The following KIFC3 variants were observed in gnomAD, a reference collection of about 807,000 sequenced individuals.
KIFC3 encodes kinesin-like protein KIFC3.
KIFC3 carries 60 observed loss-of-function variants against 101.8 expected under a neutral mutation model. That is an observed-to-expected ratio of 0.59 (90% CI 0.48 to 0.73). KIFC3 has a LOEUF of 0.73. KIFC3 is among the 30% of genes least tolerant of loss of function. The probability of loss-of-function intolerance (pLI) is 0.00; values close to 1 mark genes in which losing one functional copy is unlikely to be tolerated. For missense variants in KIFC3, 966 were observed against 1,137.1 expected, an observed-to-expected ratio of 0.85 and a Z score of 2.16; for synonymous variants, 476 against 482.7, an observed-to-expected ratio of 0.99 and a Z score of 0.18.
In KIFC3 at chr16:57,781,683, C is replaced by T. The variant is rs150732565; in HGVS notation, c.316-9395G>A. 4.2e-3 allele frequency among the ~76,000 whole-genome samples: 639 copies of T among 152,352 alleles called. 1 individual carries two copies. The highest frequency in any genetic ancestry group is 0.014 in the African/African-American group (595 of 41,576). The stretch of plus-strand genomic sequence containing the variant: ...CCAGGTCCCAACAGTGATAATGGAG[C>T]CCCGTTAACTGAGTTGGCTTTGCCA... On this transcript the variant is annotated intron_variant, in intron 3 of 19. Coordinates refer to ENST00000445690, the MANE Select transcript of KIFC3 (RefSeq NM_001130100.2).
intron 1 of KIFC3, among the ~76,000 whole-genome samples, chr16:57,832,553 G>A (rs1035895830): frequency 7.2e-5 from 11 of 151,868 alleles, no homozygotes; most frequent in African/African-American, 2.4e-4. Flanking sequence ...AACCTCAGGT[G>A]ATCCACCCAC....
chr16:57,788,827 C>A (rs2053594315), intron 3 of KIFC3: 1 of 978,548 alleles, frequency 1.0e-6, no homozygotes, highest in Non-Finnish European at 1.4e-6. Flanking sequence ...CCCAGCGGGT[C>A]CAGTCCCTCC....
intron 1 of KIFC3, among the ~76,000 whole-genome samples, chr16:57,820,628 C>T (rs1555629741): frequency 6.6e-6 from 1 of 152,188 alleles, no homozygotes; most frequent in African/African-American, 2.4e-5. Flanking sequence ...ACCTTAACCT[C>T]CTGGTTTATT....
At chr16:57,834,372 TA>T (rs1207664726) in intron 1 of KIFC3, among the ~76,000 whole-genome samples, 3 of 152,160 alleles carry the variant, frequency 2.0e-5, no homozygotes, top group Non-Finnish European at 4.4e-5. Flanking sequence ...TTTTGAACAT[TA>T]AAAAAATTAT....
At chr16:57,765,206 G>C (rs1432284652) in intron 11 of KIFC3, among the ~76,000 whole-genome samples, 1 of 152,096 alleles carries the variant, frequency 6.6e-6, no homozygotes, top group Non-Finnish European at 1.5e-5. Flanking sequence ...CTTGGGGACG[G>C]GAGGAACCAC....
At chr16:57,820,155 G>A (rs778919982) in intron 1 of KIFC3, among the ~76,000 whole-genome samples, 2 of 152,176 alleles carry the variant, frequency 1.3e-5, no homozygotes, top group African/African-American at 2.4e-5. Flanking sequence ...CATTGCACCC[G>A]GCTACCTTCT....
chr16:57,833,516 G>C (rs1555479766), intron 1 of KIFC3, among the ~76,000 whole-genome samples: 1 of 152,174 alleles, frequency 6.6e-6, no homozygotes, highest in African/African-American at 2.4e-5. Context: ...GCAGGGCTGA[G>C]CTCAGAAGGT....
chr16:57,804,025 G>A (rs1475821868), upstream of KIFC3, among the ~76,000 whole-genome samples: 1 of 152,076 alleles, frequency 6.6e-6, no homozygotes, highest in Admixed American at 6.5e-5. Flanking sequence ...TTAAAGTCCT[G>A]GTTCAAAACT....
chr16:57,846,127 C>T (rs2149319845), intron 1 of KIFC3, among the ~76,000 whole-genome samples: 1 of 152,290 alleles, frequency 6.6e-6, no homozygotes, highest in East Asian at 1.9e-4. Context: ...AGCCTGTGCC[C>T]ACTCCCTCCC....
At chr16:57,816,890 C>T (rs1210089924) in intron 1 of KIFC3, 9 of 383,404 alleles carry the variant, frequency 2.3e-5, no homozygotes, top group South Asian at 3.9e-5. Flanking sequence ...CCATCACAAC[C>T]GACCTTGAAC....
intron 1 of KIFC3, among the ~76,000 whole-genome samples, chr16:57,813,367 T>A (rs2149263312): frequency 6.6e-6 from 1 of 151,592 alleles, no homozygotes; most frequent in African/African-American, 2.4e-5. Context: ...AATAAATAAA[T>A]AAATAAATAA....
chr16:57,778,640 A>G (rs1012316034), intron 3 of KIFC3, among the ~76,000 whole-genome samples: 1 of 152,258 alleles, frequency 6.6e-6, no homozygotes, highest in Admixed American at 6.5e-5. Context: ...TCCAGAGAAG[A>G]CATACAAATA....
intron 1 of KIFC3, among the ~76,000 whole-genome samples, chr16:57,839,742 C>G (rs1437660270): frequency 6.6e-6 from 1 of 152,032 alleles, no homozygotes; most frequent in Non-Finnish European, 1.5e-5. Context: ...CATTTCTTTA[C>G]ATTTGAATGT....
chr16:57,799,175 G>A (rs958720466), intron 1 of KIFC3, among the ~76,000 whole-genome samples: 1 of 152,228 alleles, frequency 6.6e-6, no homozygotes, highest in African/African-American at 2.4e-5. Flanking sequence ...CTGAACAAAT[G>A]AACAGAGCTC....
At chr16:57,854,626 T>C (rs1374948504) in intron 1 of KIFC3, among the ~76,000 whole-genome samples, 1 of 86,640 alleles carries the variant, frequency 1.2e-5, no homozygotes, top group African/African-American at 3.2e-5. Context: ...AGACTCCGTC[T>C]CAGAAAAAAA....
chr16:57,763,799 G>A (rs1432628010), intron 12 of KIFC3, among the ~76,000 whole-genome samples: 1 of 152,180 alleles, frequency 6.6e-6, no homozygotes, highest in East Asian at 1.9e-4. Context: ...CAGCGGTAAA[G>A]CAGGAGTGTG....
At chr16:57,788,124 C>G (rs2053518407) in intron 3 of KIFC3, among the ~76,000 whole-genome samples, 1 of 152,218 alleles carries the variant, frequency 6.6e-6, no homozygotes, top group South Asian at 2.1e-4. Flanking sequence ...GCTCCTTTGT[C>G]TCAGCCTCTG....
intron 1 of KIFC3, among the ~76,000 whole-genome samples, chr16:57,841,297 C>T (rs2055805319): frequency 6.6e-6 from 1 of 152,086 alleles, no homozygotes; most frequent in Non-Finnish European, 1.5e-5. Context: ...GCATCTGAGA[C>T]CTGAAGGAGG....
At chr16:57,812,089 T>C (rs2055096786) in intron 1 of KIFC3, among the ~76,000 whole-genome samples, 1 of 148,492 alleles carries the variant, frequency 6.7e-6, no homozygotes, top group Non-Finnish European at 1.5e-5. Flanking sequence ...TCACCCAGGC[T>C]GGAGTGCAGT....
Sources: allele counts gnomAD v4.1 joint callset (sites outside exome capture counted in the v4.1 genomes callset), GRCh38; gene constraint gnomAD v4.1.1; transcripts MANE v1.5; gene names NCBI Gene and HGNC (gene_info 2026-07-23, HGNC 2026-07-21).